The following SRGAP2B variants were observed in gnomAD, a reference collection of about 807,000 sequenced individuals.
SRGAP2B encodes the protein SLIT-ROBO Rho GTPase-activating protein 2B.
In SRGAP2B, 9 loss-of-function variants were observed where a neutral mutation model predicts 22.2. The observed-to-expected ratio is 0.41, with a 90% confidence interval of 0.24 to 0.71. The LOEUF is 0.71. Among genes scored for constraint, SRGAP2B ranks in the 30% least tolerant of loss-of-function variants. The probability of loss-of-function intolerance (pLI) is 0.35; values close to 1 mark genes in which losing one functional copy is unlikely to be tolerated. For synonymous variants in SRGAP2B, 36 were observed against 87.4 expected, an observed-to-expected ratio of 0.41 and a Z score of 3.28; for missense variants, 114 against 235.8, an observed-to-expected ratio of 0.48 and a Z score of 3.38.
At chr1:144,979,618 C>G (rs10794674) in intron 3 of SRGAP2B, among the ~76,000 whole-genome samples, 1 of 148,304 alleles carries the variant, frequency 6.7e-6, no homozygotes, top group Admixed American at 6.7e-5. Context: ...GAGGTGACTG[C>G]GTCATGGGGG....
At chr1:145,014,427 A>G (rs1345023742) in intron 2 of SRGAP2B, among the ~76,000 whole-genome samples, 1 of 150,670 alleles carries the variant, frequency 6.6e-6, no homozygotes, top group Admixed American at 6.6e-5. Flanking sequence ...TCACATCTAG[A>G]TGATTTTCAC....
At chr1:144,966,829 G>A (rs1381649246) in intron 3 of SRGAP2B, among the ~76,000 whole-genome samples, 1 of 149,194 alleles carries the variant, frequency 6.7e-6, no homozygotes, top group Non-Finnish European at 1.5e-5. Flanking sequence ...AAAAAAGGAA[G>A]GGGTTGCAAT....
chr1:145,065,250 G>A (rs587674054), intron 2 of SRGAP2B, among the ~76,000 whole-genome samples: 48 of 151,974 alleles, frequency 3.2e-4, no homozygotes, highest in African/African-American at 1.1e-3. Context: ...ACACCTTTGG[G>A]ATTCATTCAT....
intron 4 of SRGAP2B, 54 bp downstream of exon 4, chr1:144,955,385 A>T (rs1217390319): frequency 2.4e-5 from 32 of 1,342,812 alleles, no homozygotes; most frequent in Non-Finnish European, 3.0e-5. Flanking sequence ...ATAGGATTTT[A>T]AAAATTGTGT....
chr1:145,045,279 G>A (rs1297917789), intron 2 of SRGAP2B, among the ~76,000 whole-genome samples: 2 of 121,370 alleles, frequency 1.6e-5, no homozygotes, highest in East Asian at 4.6e-4. Flanking sequence ...CCTGGGGGAC[G>A]GAGCGAGACT....
At chr1:145,008,913 T>C (rs1671808619) in intron 2 of SRGAP2B, among the ~76,000 whole-genome samples, 1 of 149,192 alleles carries the variant, frequency 6.7e-6, no homozygotes, top group Admixed American at 6.7e-5. Flanking sequence ...GGCTCACGCC[T>C]ATAATCCCAG....
chr1:145,042,510 G>T (rs1211649603), intron 2 of SRGAP2B, among the ~76,000 whole-genome samples: 1 of 71,490 alleles, frequency 1.4e-5, no homozygotes, highest in Non-Finnish European at 2.8e-5. Flanking sequence ...TATGTGAACA[G>T]TCTTTCTAGG....
At chr1:144,914,610 GT>G in intron 5 of SRGAP2B, 81 bp downstream of exon 5, 1 of 650,390 alleles carries the variant, frequency 1.5e-6, no homozygotes. Flanking sequence ...GTTCAGTTCT[GT>G]TGCTGATGTA....
At chr1:145,024,941 C>T (rs1374617669) in intron 2 of SRGAP2B, among the ~76,000 whole-genome samples, 3 of 149,536 alleles carry the variant, frequency 2.0e-5, no homozygotes, top group Admixed American at 6.6e-5. Flanking sequence ...CCCAATATCC[C>T]GTTGTAGAAG....
At chr1:145,020,497 C>T (rs1279257218) in intron 2 of SRGAP2B, among the ~76,000 whole-genome samples, 1 of 145,918 alleles carries the variant, frequency 6.9e-6, no homozygotes, top group Admixed American at 6.8e-5. Flanking sequence ...CAACTCCCCT[C>T]ACAACTACCC....
intron 3 of SRGAP2B, among the ~76,000 whole-genome samples, chr1:144,990,839 C>A (rs1263957023): frequency 6.6e-6 from 1 of 151,444 alleles, no homozygotes; most frequent in Admixed American, 6.6e-5. Context: ...AGTGCCGGCC[C>A]ATCGGCGCTG....
intron 2 of SRGAP2B, among the ~76,000 whole-genome samples, chr1:145,035,940 A>C (rs1397027145): frequency 7.0e-6 from 1 of 143,476 alleles, no homozygotes; most frequent in African/African-American, 2.6e-5. Flanking sequence ...TCAGAAGACA[A>C]AAAAAAAAAA....
intron 2 of SRGAP2B, among the ~76,000 whole-genome samples, chr1:145,083,405 GA>G (rs1653098697): frequency 1.2e-5 from 1 of 83,574 alleles, no homozygotes; most frequent in African/African-American, 7.3e-5. Context: ...TTTATGCTAC[GA>G]TGTTAGCAAA....
chr1:144,945,531 C>T (rs1187229235), intron 4 of SRGAP2B, among the ~76,000 whole-genome samples: 1 of 151,764 alleles, frequency 6.6e-6, no homozygotes, highest in Non-Finnish European at 1.5e-5. Context: ...TTTGAGTCTA[C>T]AGTGAGCTGT....
chr1:145,025,001 C>T (rs1253470085), intron 2 of SRGAP2B, among the ~76,000 whole-genome samples: 5 of 147,618 alleles, frequency 3.4e-5, no homozygotes, highest in African/African-American at 7.9e-5. Flanking sequence ...ATTCTCATCT[C>T]TCAACACAGT....
At chr1:144,933,038 C>T (rs1665323250) in intron 4 of SRGAP2B, among the ~76,000 whole-genome samples, 2 of 151,202 alleles carry the variant, frequency 1.3e-5, no homozygotes, top group African/African-American at 4.9e-5. Context: ...GTGGTAGCTC[C>T]CAAAGAGGGC....
intron 2 of SRGAP2B, among the ~76,000 whole-genome samples, chr1:145,026,356 G>A (rs587687953): frequency 2.8e-5 from 1 of 36,070 alleles, no homozygotes; most frequent in Admixed American, 3.4e-4. Context: ...GTGACGGAGC[G>A]AGACTCCATC....
intron 3 of SRGAP2B, among the ~76,000 whole-genome samples, chr1:144,993,793 G>A (rs587633456): frequency 5.5e-5 from 8 of 144,276 alleles, no homozygotes; most frequent in Admixed American, 4.8e-4. Flanking sequence ...TTCTCTGATC[G>A]CCAGTGTGTT....
intron 2 of SRGAP2B, among the ~76,000 whole-genome samples, chr1:145,022,465 G>T (rs199493453): frequency 1.9e-4 from 25 of 128,294 alleles, no homozygotes; most frequent in Non-Finnish European, 3.2e-4. Flanking sequence ...CCAGGAGGGG[G>T]CATATTGTGA....
Sources: gnomAD v4.1 joint callset for allele counts (sites outside exome capture counted in the v4.1 genomes callset) on GRCh38, gnomAD v4.1.1 for gene constraint, MANE v1.5 for transcripts, NCBI Gene and HGNC (gene_info 2026-07-23, HGNC 2026-07-21) for gene names.